The following DPP10 variants were observed in gnomAD, a reference collection of about 807,000 sequenced individuals.
DPP10 encodes the protein dipeptidyl peptidase like 10.
Under a neutral mutation model 120.9 loss-of-function variants are expected in DPP10, and 33 were observed. The ratio of observed to expected loss-of-function variants is 0.27; its 90% CI spans 0.21 to 0.37. DPP10 has a LOEUF of 0.37. Ranked by LOEUF, DPP10 falls within the 10% of genes least tolerant of loss-of-function variation. The pLI is 1.00. For missense variants in DPP10, 816 were observed against 942.8 expected (o/e 0.87, Z 1.76); for synonymous variants, 337 against 326.1 (o/e 1.03, Z -0.36).
intron 1 of DPP10, among the ~76,000 whole-genome samples, chr2:114,575,610 A>C (rs1689989237): frequency 6.6e-6 from 1 of 152,228 alleles, no homozygotes. Flanking sequence ...ATTTAAAAAC[A>C]AAGAGAACTA....
intron 1 of DPP10, among the ~76,000 whole-genome samples, chr2:114,783,826 G>A (rs866100217): frequency 2.0e-5 from 3 of 151,380 alleles, no homozygotes; most frequent in Non-Finnish European, 4.4e-5. Flanking sequence ...AGAATAAGAC[G>A]CTCTCTCTCT....
intron 1 of DPP10, among the ~76,000 whole-genome samples, chr2:114,874,650 A>C (rs1016242884): frequency 6.6e-6 from 1 of 152,064 alleles, no homozygotes; most frequent in Admixed American, 6.6e-5. Flanking sequence ...TATAAAGTGC[A>C]CAATAAATGT....
intron 5 of DPP10, among the ~76,000 whole-genome samples, chr2:115,678,676 G>A (rs777464386): frequency 6.6e-6 from 1 of 152,170 alleles, no homozygotes; most frequent in Non-Finnish European, 1.5e-5. Context: ...TGAGAAGAGG[G>A]CCACTGTCCT....
intron 5 of DPP10, among the ~76,000 whole-genome samples, chr2:115,678,905 T>G (rs2149466532): frequency 6.6e-6 from 1 of 152,358 alleles, no homozygotes; most frequent in Admixed American, 6.5e-5. Context: ...CTTTAAGGTT[T>G]AATGAATGCC....
intron 1 of DPP10, among the ~76,000 whole-genome samples, chr2:114,478,463 G>T (rs1339475063): frequency 1.3e-5 from 2 of 151,950 alleles, no homozygotes; most frequent in Non-Finnish European, 1.5e-5. Flanking sequence ...TAACATCTTA[G>T]ATGATGAAAG....
intron 1 of DPP10, among the ~76,000 whole-genome samples, chr2:115,115,797 A>C (rs1482006062): frequency 6.6e-6 from 1 of 152,216 alleles, no homozygotes; most frequent in Non-Finnish European, 1.5e-5. Flanking sequence ...GAAAATGCTC[A>C]AGATAATTGT....
intron 1 of DPP10, among the ~76,000 whole-genome samples, chr2:114,626,633 A>C (rs1301133461): frequency 6.6e-6 from 1 of 152,096 alleles, no homozygotes; most frequent in Non-Finnish European, 1.5e-5. Context: ...TTTGAGAATG[A>C]AGAAAGTTGG....
intron 16 of DPP10, among the ~76,000 whole-genome samples, chr2:115,781,484 T>C (rs1239895505): frequency 6.6e-6 from 1 of 151,952 alleles, no homozygotes. Context: ...CTTGTAACAA[T>C]ATGCGTAGTC....
At chr2:115,449,312 A>T (rs1166282875) in intron 3 of DPP10, among the ~76,000 whole-genome samples, 1 of 152,128 alleles carries the variant, frequency 6.6e-6, no homozygotes, top group African/African-American at 2.4e-5. Flanking sequence ...TAAAACAGTA[A>T]GATTGCTGAT....
chr2:115,346,210 A>G (rs1028343948), intron 3 of DPP10, among the ~76,000 whole-genome samples: 2 of 152,214 alleles, frequency 1.3e-5, no homozygotes, highest in African/African-American at 4.8e-5. Context: ...TGGGAAATAT[A>G]TGAGTAGGAT....
intron 17 of DPP10, among the ~76,000 whole-genome samples, chr2:115,784,086 G>A (rs1303157127): frequency 1.3e-5 from 2 of 152,130 alleles, no homozygotes; most frequent in Non-Finnish European, 2.9e-5. Flanking sequence ...AAACATTTCT[G>A]TCTAAGGGAA....
At chr2:114,461,862 T>C in intron 1 of DPP10, 2 of 985,142 alleles carry the variant, frequency 2.0e-6, no homozygotes, top group Non-Finnish European at 2.4e-6. Flanking sequence ...ATAAGAAGAA[T>C]GGAAAATGAA....
chr2:114,927,738 G>A (rs1695743806), intron 1 of DPP10, among the ~76,000 whole-genome samples: 1 of 152,154 alleles, frequency 6.6e-6, no homozygotes, highest in Admixed American at 6.5e-5. Flanking sequence ...CTGAAGTTGG[G>A]TAATTTATAA....
intron 1 of DPP10, among the ~76,000 whole-genome samples, chr2:115,189,123 C>T (rs191156274): frequency 3.1e-4 from 47 of 152,308 alleles, no homozygotes; most frequent in Admixed American, 9.1e-4. Context: ...AGTTTTACTT[C>T]TATAGAAGGG....
At chr2:115,617,741 A>G (rs1457143615) in intron 5 of DPP10, among the ~76,000 whole-genome samples, 5 of 152,110 alleles carry the variant, frequency 3.3e-5, no homozygotes, top group Non-Finnish European at 7.4e-5. Context: ...GCAAAACAAA[A>G]TCACCTGAAA....
At chr2:114,844,278 C>T (rs1010699680) in intron 1 of DPP10, among the ~76,000 whole-genome samples, 2 of 152,020 alleles carry the variant, frequency 1.3e-5, no homozygotes, top group Admixed American at 6.6e-5. Flanking sequence ...TCTGCTAATG[C>T]CCAAATAATA....
At chr2:115,279,655 CTTTTTTTTTTTTTTT>C (rs70941039) in intron 1 of DPP10, among the ~76,000 whole-genome samples, 40 of 42,720 alleles carry the variant, frequency 9.4e-4, no homozygotes, top group African/African-American at 2.4e-3. Context: ...TTTTCTTCTT[CTTTTTTTTTTTTTTT>C]TTTTTTTTTT....
intron 1 of DPP10, among the ~76,000 whole-genome samples, chr2:114,457,735 T>A (rs1479145317): frequency 6.6e-6 from 1 of 152,142 alleles, no homozygotes; most frequent in Non-Finnish European, 1.5e-5. Context: ...ATTTTTATTT[T>A]ATGCTTTGCA....
chr2:114,480,961 C>G (rs1680986211), intron 1 of DPP10, among the ~76,000 whole-genome samples: 1 of 151,768 alleles, frequency 6.6e-6, no homozygotes, highest in Non-Finnish European at 1.5e-5. Flanking sequence ...AAACTTCTTA[C>G]TGTTTATAAA....
Sources: allele counts gnomAD v4.1 joint callset (sites outside exome capture counted in the v4.1 genomes callset), GRCh38; gene constraint gnomAD v4.1.1; transcripts MANE v1.5; gene names NCBI Gene and HGNC (gene_info 2026-07-23, HGNC 2026-07-21).